TRAPPC8: variants seen among roughly 807,000 people sequenced by gnomAD.
The protein encoded by TRAPPC8 is general sporulation gene 1 homolog.
In TRAPPC8, 54 loss-of-function variants were observed where a neutral mutation model predicts 174.3. That is an observed-to-expected ratio of 0.31 (90% CI 0.25 to 0.39). The LOEUF (loss-of-function observed/expected upper bound fraction) is 0.39, where lower values mean the gene tolerates loss of function less well. Ranked by LOEUF, TRAPPC8 falls within the 10% of genes least tolerant of loss-of-function variation. The pLI, the probability that TRAPPC8 is intolerant of heterozygous loss-of-function variation, is 1.00. For synonymous variants in TRAPPC8, 630 were observed against 579.9 expected (o/e 1.09, Z -1.24); for missense variants, 1,531 against 1,699.1 (o/e 0.90, Z 1.74).
At chr18:31,874,272 T>C (rs913352647) in intron 13 of TRAPPC8, 6 of 540,666 alleles carry the variant, frequency 1.1e-5, no homozygotes, top group Middle Eastern at 4.7e-4. Context: ...CAAGTGTTCA[T>C]TGTAATATTA....
At chr18:31,931,805 C>A (rs376844053) in intron 1 of TRAPPC8, among the ~76,000 whole-genome samples, 2 of 152,178 alleles carry the variant, frequency 1.3e-5, no homozygotes, top group East Asian at 1.9e-4. Context: ...TGCCAGAAAC[C>A]AACTACTATC....
chr18:31,869,336 AAC>A (rs949940458), intron 16 of TRAPPC8, among the ~76,000 whole-genome samples: 8 of 152,328 alleles, frequency 5.3e-5, no homozygotes, highest in East Asian at 3.9e-4. Context: ...TGGAAAATAA[AAC>A]AGTTAAGATG....
chr18:31,832,698 G>A (rs1272033938), intron 27 of TRAPPC8: 3 of 152,082 alleles, frequency 2.0e-5, no homozygotes, highest in African/African-American at 4.8e-5. Flanking sequence ...ATTTTGCTCA[G>A]GTAGCCTAGT....
chr18:31,857,396 T>G, intron 20 of TRAPPC8, 144 bp downstream of exon 20: 1 of 791,744 alleles, frequency 1.3e-6, no homozygotes. Flanking sequence ...CAGTTCTATT[T>G]GAGACAATTT....
intron 5 of TRAPPC8, among the ~76,000 whole-genome samples, chr18:31,912,648 AAC>A (rs2036964652): frequency 6.6e-6 from 1 of 152,058 alleles, no homozygotes; most frequent in Non-Finnish European, 1.5e-5. Flanking sequence ...GCGACAGAGC[AAC>A]ACTCTGTTTC....
At position 31,878,141 on chromosome 18, in the gene TRAPPC8, A is replaced by C. The variant is rs146844194; in HGVS notation, c.1729-3437T>G. On this transcript the variant is annotated intron_variant, in intron 12 of 28. Transcript: ENST00000283351. ...GTACTCTGGTCAGAGCCTAATGGAC[A>C]AAGTCTACATGAACTGATGGTTGTG... is the stretch of plus-strand genomic sequence containing the variant. Among the ~76,000 whole-genome samples, 8 of 152,246 alleles carry C rather than the reference A, an allele frequency of 5.3e-5. No homozygotes were observed. In the East Asian group the frequency reaches 1.5e-3, roughly 29 times the overall value.
intron 9 of TRAPPC8, among the ~76,000 whole-genome samples, chr18:31,903,131 T>C (rs958066119): frequency 3.0e-4 from 45 of 151,378 alleles, no homozygotes; most frequent in African/African-American, 1.0e-3. Context: ...CGTGTGTGTG[T>C]GTGTGTGTGT....
chr18:31,868,631 C>T (rs1018759023), intron 16 of TRAPPC8, among the ~76,000 whole-genome samples: 24 of 152,050 alleles, frequency 1.6e-4, no homozygotes, highest in African/African-American at 5.8e-4. Flanking sequence ...ATAAATAATA[C>T]AAAATATCTT....
chr18:31,929,235 G>A (rs936772989), intron 2 of TRAPPC8, among the ~76,000 whole-genome samples: 2 of 150,722 alleles, frequency 1.3e-5, no homozygotes, highest in East Asian at 2.0e-4. Context: ...CCTGTTTTCA[G>A]AGGTGGAAAC....
chr18:31,932,435 A>C (rs957252053), intron 1 of TRAPPC8, among the ~76,000 whole-genome samples: 2 of 151,820 alleles, frequency 1.3e-5, no homozygotes, highest in Non-Finnish European at 1.5e-5. Context: ...TCCAAAAAAA[A>C]AAAAACAACA....
chr18:31,909,719 C>A lies in TRAPPC8; in HGVS notation c.813G>T (p.Lys271Asn). The change falls in exon 6 of 29, where the codon AAG (lysine) becomes AAT (asparagine). Residue 271 changes from lysine to asparagine, a missense_variant. Coordinates refer to ENST00000283351, the MANE Select transcript of TRAPPC8 (RefSeq NM_014939.5). The stretch of plus-strand genomic sequence containing the variant: ...ATGAAAGCAAGTTATTATCAGAATT[C>A]TTATTTGAAGTTATAGTACAAGGGC... ...EDGPCTITSN[K>N]NSDNNLLSLD... The A allele has an allele frequency of 1.2e-6, 2 of 1,601,632 alleles. No homozygotes were observed. The highest frequency in any genetic ancestry group is 2.3e-5 in the South Asian group (2 of 88,280).
intron 1 of TRAPPC8, among the ~76,000 whole-genome samples, chr18:31,933,143 CAT>C (rs1188118264): frequency 6.6e-6 from 1 of 150,800 alleles, no homozygotes; most frequent in Non-Finnish European, 1.5e-5. Flanking sequence ...CTACTAAAAA[CAT>C]AAAAAATTAG....
intron 2 of TRAPPC8, among the ~76,000 whole-genome samples, chr18:31,918,633 T>C (rs548014991): frequency 6.6e-6 from 1 of 152,304 alleles, no homozygotes; most frequent in East Asian, 1.9e-4. Flanking sequence ...GGCTGGTAAA[T>C]CTTACTTTGT....
In TRAPPC8 at chr18:31,900,912, T is replaced by C. The variant is rs1192705356; in HGVS notation, c.1490+13A>G. 2.6e-6 allele frequency: 4 copies of C among 1,560,390 alleles called. No individual in the cohort carries two copies. The highest frequency in any genetic ancestry group is 2.6e-6 in the Non-Finnish European group (3 of 1,154,532). On this transcript the variant is annotated intron_variant, in intron 10 of 28. Coordinates refer to ENST00000283351, the MANE Select transcript of TRAPPC8 (RefSeq NM_014939.5). Reference sequence around the variant, plus strand: ...TTAACTGGATACAATATAAATCTTATATAGTCACCTACTTGCAGATATCTC... The same window carrying C: ...TTAACTGGATACAATATAAATCTTACATAGTCACCTACTTGCAGATATCTC...
chr18:31,894,462 T>C (rs1370838718), intron 11 of TRAPPC8, among the ~76,000 whole-genome samples: 1 of 151,338 alleles, frequency 6.6e-6, no homozygotes, highest in Non-Finnish European at 1.5e-5. Context: ...TTATGTTCTA[T>C]AAGAAACTAA....
intron 4 of TRAPPC8, among the ~76,000 whole-genome samples, chr18:31,913,912 T>C (rs1407169055): frequency 2.0e-5 from 3 of 152,026 alleles, no homozygotes; most frequent in Non-Finnish European, 4.4e-5. Flanking sequence ...GTGGCCATAA[T>C]CCCAGCACTT....
In TRAPPC8 at chr18:31,880,104, T is replaced by A. The variant is rs1390243300; in HGVS notation, c.1729-5400A>T. Among the ~76,000 whole-genome samples the A allele has an allele frequency of 5.3e-3, 443 of 84,252 alleles. 13 individuals are homozygous for A. Among genetic ancestry groups the A allele is most frequent in the African/African-American group, 0.022 (414 of 18,990 alleles). The allele number at this position is 84,252 out of a possible 152,430, so 55.3% of individuals were successfully genotyped here. A position where few individuals can be genotyped will look rare whatever the true frequency, so the allele number is the denominator to read the frequency against. Reference sequence around the variant, plus strand: ...TTGAAAAAAAAAATATATATATATATATATATATATATATATATTTTTTTT... The same window carrying A: ...TTGAAAAAAAAAATATATATATATAAATATATATATATATATATTTTTTTT... On this transcript the variant is annotated intron_variant, in intron 12 of 28. Coordinates refer to ENST00000283351, the MANE Select transcript of TRAPPC8 (RefSeq NM_014939.5).
chr18:31,875,036 A>C (rs1204606381), intron 12 of TRAPPC8, among the ~76,000 whole-genome samples: 1 of 152,182 alleles, frequency 6.6e-6, no homozygotes, highest in Non-Finnish European at 1.5e-5. Context: ...GAAAGAGCTT[A>C]CTTCTCAACT....
intron 20 of TRAPPC8, 56 bp from the exon 21 acceptor site, chr18:31,855,863 A>G: frequency 6.5e-7 from 1 of 1,529,154 alleles, no homozygotes; most frequent in Non-Finnish European, 8.7e-7. Flanking sequence ...CTATGTTATA[A>G]TTATCTAATT....
Sources: allele counts gnomAD v4.1 joint callset (sites outside exome capture counted in the v4.1 genomes callset), GRCh38; gene constraint gnomAD v4.1.1; transcripts MANE v1.5; gene names NCBI Gene and HGNC (gene_info 2026-07-23, HGNC 2026-07-21).